Variants in PIEZO1 observed in about 807,000 individuals in gnomAD.
PIEZO1 encodes the protein piezo-type mechanosensitive ion channel component 1.
A neutral mutation model predicts 297.2 loss-of-function variants in PIEZO1; 296 were observed. That is an observed-to-expected ratio of 1.00 (90% CI 0.91 to 1.10). The LOEUF (loss-of-function observed/expected upper bound fraction) is 1.10, where lower values mean the gene tolerates loss of function less well. Ranked by LOEUF, PIEZO1 falls within the 50% of genes least tolerant of loss-of-function variation. The pLI is 0.00. For missense variants in PIEZO1, 5,018 were observed against 3,455.5 expected, an observed-to-expected ratio of 1.45 and a Z score of -11.34; for synonymous variants, 2,427 against 1,507.5, an observed-to-expected ratio of 1.61 and a Z score of -14.13.
At position 88,716,059 on chromosome 16, in the gene PIEZO1, G is replaced by T; in HGVS notation, c.7190C>A (p.Ala2397Asp). ...IQLRREQGAG[A>D]TGFLEWWVIE... is the part of the protein sequence containing the mutation. Reference sequence around the variant, plus strand: ...GACCCACCATTCGAGGAAGCCGGTGGCCCCCGCACCCTGCTCCCTCCGCAG... The same window carrying T: ...GACCCACCATTCGAGGAAGCCGGTGTCCCCCGCACCCTGCTCCCTCCGCAG... Residue 2397 changes from alanine (A) to aspartate (D), a missense_variant, in exon 50 of 51, where the codon GCC (alanine) becomes GAC (aspartate). Ala to Asp is a moderately radical substitution (Grantham distance 126, BLOSUM62 -2). Coordinates refer to ENST00000301015, the MANE Select transcript of PIEZO1 (RefSeq NM_001142864.4). 1 of 1,550,170 alleles carries T rather than the reference G, an allele frequency of 6.5e-7. No homozygotes were observed. Among genetic ancestry groups the T allele is most frequent in the Non-Finnish European group, 8.7e-7 (1 of 1,146,868 alleles).
At chr16:88,737,058 C>A (rs956474547) in intron 10 of PIEZO1, 12 of 277,560 alleles carry the variant, frequency 4.3e-5, no homozygotes, top group Non-Finnish European at 5.4e-5. Context: ...TCATTTGCTT[C>A]ATTCAGAAAC....
rs948134365 is a variant in PIEZO1, at chr16:88,718,894, A to G, written c.6471+680T>C. 3 of 153,972 alleles carry G rather than the reference A, an allele frequency of 1.9e-5. No individual in the cohort carries two copies. The East Asian group carries it at 5.8e-4, about 30-fold the overall frequency. 9.5% of individuals were successfully genotyped at this position (153,972 alleles called of 1,614,324 possible). ...AGCTAACGTTTATTTTTTTGTAGAG[A>G]GAGTCTCACTCACTATGTTGCCCAG... On this transcript the variant is annotated intron_variant, in intron 44 of 50. Transcript: ENST00000301015.
At chr16:88,727,312 G>A (rs1010436594) in intron 23 of PIEZO1, 120 bp from the exon 24 acceptor site, 15 of 1,169,670 alleles carry the variant, frequency 1.3e-5, no homozygotes, top group East Asian at 2.6e-5. Context: ...GCGGACACAC[G>A]TCTGCCTGGG....
In PIEZO1 at chr16:88,722,706, G is replaced by A. The variant is rs901566586; in HGVS notation, c.4669-17C>T. On this transcript the variant is annotated splice_polypyrimidine_tract_variant and intron_variant, in intron 34 of 50. Transcript: ENST00000301015. Reference sequence around the variant, plus strand: ...TTCGCCGCCCTGCAGGGCACAGCAGGGGGCTCAGGGCTGCGTCCAGCTCTT... The same window carrying A: ...TTCGCCGCCCTGCAGGGCACAGCAGAGGGCTCAGGGCTGCGTCCAGCTCTT... 8 of 1,534,732 alleles carry A rather than the reference G, an allele frequency of 5.2e-6. No individual in the cohort carries two copies. The South Asian group carries it at 8.3e-5, about 16-fold the overall frequency.
At chr16:88,741,413 A>C in intron 5 of PIEZO1, 65 bp downstream of exon 5, 1 of 1,375,922 alleles carries the variant, frequency 7.3e-7, no homozygotes, top group Non-Finnish European at 9.7e-7. Flanking sequence ...AATAACCCTC[A>C]AAATGGCTGA....
In PIEZO1 at chr16:88,723,120, T is replaced by G; in HGVS notation, c.4470A>C (p.Ala1490=). The G allele has an allele frequency of 6.5e-7, 1 of 1,548,876 alleles. No individual in the cohort carries two copies. The highest frequency in any genetic ancestry group is 8.7e-7 in the Non-Finnish European group (1 of 1,146,804). ...CTGCCGCTGCCTCCTCGGGGCCCTC[T>G]GCTGGCTCCACCTCCTGGCTGGGAC... ...GGGPSQEVEP[A]EGPEEAAAGR... is the part of the protein sequence containing the mutation. Residue 1490 remains alanine (A), a synonymous_variant, in exon 33 of 51, where the codon GCA becomes GCC. Transcript: ENST00000301015.
In PIEZO1 at chr16:88,721,323, G is replaced by A. The variant is rs1383432397; in HGVS notation, c.5511C>T (p.Thr1837=). 7 of 1,546,550 alleles carry A rather than the reference G, an allele frequency of 4.5e-6. No homozygotes were observed. The highest frequency in any genetic ancestry group is 5.2e-6 in the Non-Finnish European group (6 of 1,146,742). The change falls in exon 39 of 51, where the codon ACC becomes ACT. Residue 1837 remains threonine, a synonymous_variant. Coordinates refer to ENST00000301015, the MANE Select transcript of PIEZO1 (RefSeq NM_001142864.4). The part of the protein sequence containing the change: ...AEEGPGVPAA[T]TEDHIQVEAR... ...CTTCCACCTGAATGTGGTCTTCGGT[G>A]GTGGCCGCAGGCACCCCTGGCCCCT...
chr16:88,723,949 G>A lies in PIEZO1; in HGVS notation c.4257C>T (p.Phe1419=). 1 of 1,548,744 alleles carries A rather than the reference G, an allele frequency of 6.5e-7. No homozygotes were observed. Among genetic ancestry groups the A allele is most frequent in the Non-Finnish European group, 8.7e-7 (1 of 1,145,358 alleles). The change falls in exon 31 of 51, where the codon TTC becomes TTT. Residue 1419 remains phenylalanine, a synonymous_variant. Transcript: ENST00000301015. ...HATVIHSGDY[F]LFESDSEEEE... is the part of the protein sequence containing the mutation. ...CTTCCTCACTGTCGGACTCAAACAGGAAGTAGTCCCCGGAGTGGATGACTG... is the reference window on the plus strand; with the variant it reads ...CTTCCTCACTGTCGGACTCAAACAGAAAGTAGTCCCCGGAGTGGATGACTG...
At chr16:88,716,960 T>C in intron 45 of PIEZO1, 62 bp from the exon 46 acceptor site, 3 of 1,544,012 alleles carry the variant, frequency 1.9e-6, no homozygotes, top group South Asian at 2.4e-5. Flanking sequence ...CTGGGGGTGG[T>C]GCACCACCTT....
intron 44 of PIEZO1, chr16:88,719,319 A>G (rs1912261789): frequency 5.9e-6 from 3 of 509,790 alleles, no homozygotes; most frequent in Admixed American, 3.5e-5. Context: ...TCCCTGCACC[A>G]GGCCCTGCTC....
intron 12 of PIEZO1, 51 bp from the exon 13 acceptor site, chr16:88,735,297 C>A: frequency 1.5e-6 from 2 of 1,333,782 alleles, no homozygotes. Context: ...AGCACCCCTC[C>A]CACAGCCGGG....
intron 2 of PIEZO1, chr16:88,742,721 C>T: frequency 2.4e-6 from 1 of 418,724 alleles, no homozygotes; most frequent in Non-Finnish European, 4.4e-6. Flanking sequence ...GGTGTGCTCC[C>T]TCATCCAGCA....
At position 88,716,799 on chromosome 16, in the gene PIEZO1, C is replaced by A; in HGVS notation, c.6753+7G>T. 6.5e-7 allele frequency: 1 copy of A among 1,549,896 alleles called. No homozygotes were observed. The highest frequency in any genetic ancestry group is 8.7e-7 in the Non-Finnish European group (1 of 1,146,948). Reference sequence around the variant, plus strand: ...ACACCAGCTTTCACAGGGCAGAGGCCACTTACCGGCTGGGGGTCAAACTGC... The same window carrying A: ...ACACCAGCTTTCACAGGGCAGAGGCAACTTACCGGCTGGGGGTCAAACTGC... On this transcript the variant is annotated splice_region_variant and intron_variant, in intron 46 of 50. Coordinates refer to ENST00000301015, the MANE Select transcript of PIEZO1 (RefSeq NM_001142864.4).
Position 88,777,582 on chromosome 16 carries a change from G to A in PIEZO1, c.64+7319C>T, listed in dbSNP as rs74802745. Among the ~76,000 whole-genome samples the A allele has an allele frequency of 2.1e-3, 321 of 152,382 alleles. 1 individual carries two copies. The highest frequency in any genetic ancestry group is 7.4e-3 in the African/African-American group (306 of 41,580). On this transcript the variant is annotated intron_variant, in intron 1 of 50. Transcript: ENST00000301015. Reference sequence around the variant, plus strand: ...GTAAATCCCCGCTGAGGCAGGGGCAGTGGGATGGACGATGGCTTCCCTTTT... The same window carrying A: ...GTAAATCCCCGCTGAGGCAGGGGCAATGGGATGGACGATGGCTTCCCTTTT...
At chr16:88,759,131 G>A (rs537036705) in intron 1 of PIEZO1, among the ~76,000 whole-genome samples, 94 of 152,390 alleles carry the variant, frequency 6.2e-4, no homozygotes, top group African/African-American at 2.2e-3. Flanking sequence ...GGAGGAAACA[G>A]ACAGAAGCAG....
At chr16:88,717,310 G>T in intron 44 of PIEZO1, 99 bp from the exon 45 acceptor site, 1 of 1,081,234 alleles carries the variant, frequency 9.2e-7, no homozygotes, top group Non-Finnish European at 1.4e-6. Flanking sequence ...AAAAGCCCCA[G>T]CCTGACCTCA....
At chr16:88,771,229 C>T (rs1367664009) in intron 1 of PIEZO1, among the ~76,000 whole-genome samples, 1 of 152,214 alleles carries the variant, frequency 6.6e-6, no homozygotes, top group Non-Finnish European at 1.5e-5. Context: ...ACCCAGTGAC[C>T]CCCCCTTGGG....
intron 1 of PIEZO1, among the ~76,000 whole-genome samples, chr16:88,760,618 G>A (rs1356875004): frequency 6.6e-6 from 1 of 151,986 alleles, no homozygotes; most frequent in Non-Finnish European, 1.5e-5. Flanking sequence ...GCCCAGGACA[G>A]GCAGGGGCCC....
At chr16:88,782,578 G>C (rs149944119) in intron 1 of PIEZO1, among the ~76,000 whole-genome samples, 2 of 152,314 alleles carry the variant, frequency 1.3e-5, no homozygotes, top group East Asian at 3.9e-4. Context: ...GGGGCCAGGG[G>C]CACCCCAGGA....
Sources: allele counts gnomAD v4.1 joint callset (sites outside exome capture counted in the v4.1 genomes callset), GRCh38; gene constraint gnomAD v4.1.1; transcripts MANE v1.5; gene names NCBI Gene and HGNC (gene_info 2026-07-23, HGNC 2026-07-21).